The following FILIP1 variants were observed in gnomAD, a reference collection of about 807,000 sequenced individuals.
The protein encoded by FILIP1 is filamin-A-interacting protein 1.
In FILIP1, 61 loss-of-function variants were observed where a neutral mutation model predicts 102.1. The observed-to-expected ratio is 0.60, with a 90% CI of 0.49 to 0.74. FILIP1 has a LOEUF of 0.74. Among genes scored for constraint, FILIP1 ranks in the 30% least tolerant of loss-of-function variants. The pLI is 0.00. For synonymous variants in FILIP1, 491 were observed against 526.9 expected (o/e 0.93, Z 0.93); for missense variants, 1,314 against 1,441.2 (o/e 0.91, Z 1.43).
At chr6:75,351,130 G>A (rs1244337917) in intron 4 of FILIP1, among the ~76,000 whole-genome samples, 3 of 151,970 alleles carry the variant, frequency 2.0e-5, no homozygotes, top group South Asian at 2.1e-4. Flanking sequence ...GCAATGACGC[G>A]ATCTTGGCTC....
intron 4 of FILIP1, among the ~76,000 whole-genome samples, chr6:75,339,228 A>C (rs1159077274): frequency 6.6e-6 from 1 of 152,184 alleles, no homozygotes; most frequent in Non-Finnish European, 1.5e-5. Flanking sequence ...TTCTAACTGG[A>C]CTGTTTATTA....
At chr6:75,386,922 C>G (rs777300192) in intron 2 of FILIP1, among the ~76,000 whole-genome samples, 1 of 152,122 alleles carries the variant, frequency 6.6e-6, no homozygotes, top group East Asian at 1.9e-4. Flanking sequence ...TATACATGTG[C>G]CATGGTGGTT....
chr6:75,489,395 C>A (rs1355052354), intron 1 of FILIP1, among the ~76,000 whole-genome samples: 2 of 152,060 alleles, frequency 1.3e-5, no homozygotes, highest in Non-Finnish European at 2.9e-5. Flanking sequence ...CATTCTCCTG[C>A]CTTTCCTATA....
chr6:75,336,479 A>G (rs1011856995), intron 4 of FILIP1, among the ~76,000 whole-genome samples: 4 of 152,078 alleles, frequency 2.6e-5, no homozygotes, highest in African/African-American at 7.2e-5. Context: ...CTTGTGGTCT[A>G]ATTTTGACAG....
chr6:75,359,497 T>C (rs1013199536), intron 3 of FILIP1, among the ~76,000 whole-genome samples: 2 of 152,188 alleles, frequency 1.3e-5, no homozygotes, highest in African/African-American at 4.8e-5. Context: ...ATAGATAAGA[T>C]TTAGGTTTAA....
Position 75,312,929 on chromosome 6 carries a change from C to T in FILIP1, c.2903G>A (p.Gly968Glu). 1 of 1,614,046 alleles carries T rather than the reference C, an allele frequency of 6.2e-7. No individual in the cohort carries two copies. The highest frequency in any genetic ancestry group is 1.1e-5 in the South Asian group (1 of 91,068). The change falls in exon 5 of 6, where the codon GGA becomes GAA. Residue 968 changes from glycine (G) to glutamate (E), a missense_variant. Gly to Glu is a moderately conservative substitution (Grantham distance 98, BLOSUM62 -2). Coordinates refer to ENST00000237172, the MANE Select transcript of FILIP1 (RefSeq NM_015687.5). ...TCGTTCTGGGCCAAGAGTAGTATCT[C>T]CACTTTTTTGTTTTTGAGGCATAAC... ...PNVMPQKQKS[G>E]DTTLGPERAM...
intron 2 of FILIP1, among the ~76,000 whole-genome samples, chr6:75,372,621 A>AAAAGAAAGAAAGAAAGAAAGAAAG (rs760896137): frequency 4.0e-4 from 17 of 42,250 alleles, no homozygotes; most frequent in Admixed American, 1.4e-3. Context: ...GAAAGAAAGA[A>AAAAGAAAGAAAGAAAGAAAGAAAG]AAAGAAAGAA....
intron 1 of FILIP1, among the ~76,000 whole-genome samples, chr6:75,430,461 A>G (rs890761026): frequency 3.1e-4 from 47 of 152,152 alleles, no homozygotes; most frequent in African/African-American, 1.1e-3. Flanking sequence ...ATTATAAATC[A>G]TATCAAAAAA....
At chr6:75,327,857 C>T (rs1031654503) in intron 4 of FILIP1, among the ~76,000 whole-genome samples, 7 of 151,906 alleles carry the variant, frequency 4.6e-5, no homozygotes, top group Admixed American at 3.3e-4. Flanking sequence ...CAAAAAGAGA[C>T]AGCCAGACAT....
At chr6:75,358,453 T>G (rs1360480482) in intron 3 of FILIP1, 1 of 152,154 alleles carries the variant, frequency 6.6e-6, no homozygotes, top group Non-Finnish European at 1.5e-5. Context: ...CAGGGTGACT[T>G]TCCTCACAAA....
intron 1 of FILIP1, among the ~76,000 whole-genome samples, chr6:75,437,836 A>G (rs141202115): frequency 3.3e-5 from 5 of 152,380 alleles, no homozygotes; most frequent in Non-Finnish European, 7.3e-5. Context: ...TAGGCATTTC[A>G]AAGAAAGTAG....
chr6:75,391,291 A>C (rs1300961469), intron 2 of FILIP1, among the ~76,000 whole-genome samples: 1 of 152,062 alleles, frequency 6.6e-6, no homozygotes. Context: ...CCTTGGTTAA[A>C]TCTCTCTCCC....
intron 1 of FILIP1, among the ~76,000 whole-genome samples, chr6:75,421,749 A>G (rs376557781): frequency 2.8e-4 from 42 of 152,262 alleles, no homozygotes; most frequent in East Asian, 1.9e-3. Flanking sequence ...TGACTCATCT[A>G]GAGTGCAAAT....
downstream of FILIP1, among the ~76,000 whole-genome samples, chr6:75,307,877 C>T (rs1183779093): frequency 6.6e-6 from 1 of 152,144 alleles, no homozygotes; most frequent in Non-Finnish European, 1.5e-5. Flanking sequence ...ATTTTCTATC[C>T]ATCACAATCT....
At chr6:75,439,998 A>G (rs1778155791) in intron 1 of FILIP1, among the ~76,000 whole-genome samples, 1 of 152,226 alleles carries the variant, frequency 6.6e-6, no homozygotes, top group Non-Finnish European at 1.5e-5. Flanking sequence ...GCATGACCAC[A>G]TATTATTGCT....
At chr6:75,445,490 C>T (rs1295126401) in intron 1 of FILIP1, among the ~76,000 whole-genome samples, 1 of 152,136 alleles carries the variant, frequency 6.6e-6, no homozygotes, top group Non-Finnish European at 1.5e-5. Flanking sequence ...TTTCCCTTCC[C>T]TGATTTCCTT....
chr6:75,312,923 GT>G lies in FILIP1; in HGVS notation c.2908del (p.Thr970LeufsTer40). ...CATGGCTCGTTCTGGGCCAAGAGTA[GT>G]ATCTCCACTTTTTTGTTTTTGAGGC... Reference protein sequence around the residue: ...VMPQKQKSGDTTLGPERAMSP... With the variant: ...VMPQKQKSGDXTLGPERAMSP... On this transcript the variant is annotated frameshift_variant, in exon 5 of 6. Coordinates refer to ENST00000237172, the MANE Select transcript of FILIP1 (RefSeq NM_015687.5). LOFTEE classifies it high-confidence loss of function. 1 of 1,614,162 alleles carries G rather than the reference GT, an allele frequency of 6.2e-7. No individual in the cohort carries two copies. The highest frequency in any genetic ancestry group is 8.5e-7 in the Non-Finnish European group (1 of 1,180,034).
chr6:75,341,152 GTTTTGTTT>G (rs1336077794), intron 4 of FILIP1, among the ~76,000 whole-genome samples: 4 of 90,814 alleles, frequency 4.4e-5, no homozygotes, highest in Non-Finnish European at 8.7e-5. Flanking sequence ...GAGGGTTTTT[GTTTTGTTT>G]TTTTTTTTTG....
At chr6:75,415,940 T>A (rs564198127) in intron 1 of FILIP1, among the ~76,000 whole-genome samples, 1 of 152,210 alleles carries the variant, frequency 6.6e-6, no homozygotes, top group Non-Finnish European at 1.5e-5. Flanking sequence ...ACAGGCTAGG[T>A]CTCAAAGTGC....
Sources: gnomAD v4.1 joint callset for allele counts (sites outside exome capture counted in the v4.1 genomes callset) on GRCh38, gnomAD v4.1.1 for gene constraint, MANE v1.5 for transcripts, NCBI Gene and HGNC (gene_info 2026-07-23, HGNC 2026-07-21) for gene names.